The following GRID1 variants were observed in gnomAD, a reference collection of about 807,000 sequenced individuals.
The protein encoded by GRID1 is glutamate ionotropic receptor delta type subunit 1, also known as glutamate receptor ionotropic, delta-1.
A neutral mutation model predicts 98.0 loss-of-function variants in GRID1; 28 were observed. The observed-to-expected ratio is 0.29, with a 90% CI of 0.21 to 0.39. The LOEUF (loss-of-function observed/expected upper bound fraction) is 0.39. Among genes scored for constraint, GRID1 ranks in the 10% least tolerant of loss-of-function variants. The pLI is 1.00. For synonymous variants in GRID1, 553 were observed against 538.5 expected, an observed-to-expected ratio of 1.03 and a Z score of -0.37; for missense variants, 1,111 against 1,340.5, an observed-to-expected ratio of 0.83 and a Z score of 2.67.
intron 4 of GRID1, among the ~76,000 whole-genome samples, chr10:85,971,874 C>T (rs7899957): frequency 0.066 from 9,969 of 152,082 alleles, 1,061 homozygotes; most frequent in African/African-American, 0.22. Flanking sequence ...CATATGCCCA[C>T]CAAAAGACAA....
At chr10:86,073,140 C>G (rs1843827989) in intron 4 of GRID1, among the ~76,000 whole-genome samples, 1 of 152,152 alleles carries the variant, frequency 6.6e-6, no homozygotes, top group Admixed American at 6.5e-5. Context: ...GCATTAACAC[C>G]CCCAGATATT....
intron 2 of GRID1, among the ~76,000 whole-genome samples, chr10:86,253,655 C>G (rs1261537894): frequency 1.3e-5 from 2 of 152,162 alleles, no homozygotes; most frequent in African/African-American, 4.8e-5. Flanking sequence ...GAAGGCCAGG[C>G]CCCGAGGGCA....
intron 4 of GRID1, among the ~76,000 whole-genome samples, chr10:86,059,001 C>G (rs1026896045): frequency 6.6e-6 from 1 of 152,230 alleles, no homozygotes; most frequent in Admixed American, 6.5e-5. Context: ...GATGACTGAT[C>G]TCATCTAGGG....
In GRID1 at chr10:86,297,179, AAAAT is replaced by A. The variant is rs1847605893; in HGVS notation, c.235+66758_235+66761del. ...AAAATCATTTTGAAAATAGATGAGAAAAATAAATAAAATTCAATAAATGAAAAGA... is the reference window on the plus strand; with the variant it reads ...AAAATCATTTTGAAAATAGATGAGAAAAATAAAATTCAATAAATGAAAAGA... On this transcript the variant is annotated intron_variant, in intron 2 of 15. Transcript: ENST00000327946. Among the ~76,000 whole-genome samples the A allele has an allele frequency of 3.3e-5, 5 of 152,342 alleles. No individual in the cohort carries two copies. The South Asian group carries it at 1.0e-3, about 32-fold the overall frequency.
intron 8 of GRID1, among the ~76,000 whole-genome samples, chr10:85,819,308 C>G (rs118115608): frequency 6.6e-6 from 1 of 152,140 alleles, no homozygotes; most frequent in Admixed American, 6.5e-5. Context: ...CATATTCCCC[C>G]AGAAGTTTAT....
At chr10:86,205,223 A>T (rs1342064555) in intron 3 of GRID1, among the ~76,000 whole-genome samples, 2 of 152,244 alleles carry the variant, frequency 1.3e-5, no homozygotes, top group Non-Finnish European at 2.9e-5. Flanking sequence ...TCTTAGTTAC[A>T]TTCTTGGCAA....
At chr10:86,183,351 T>C (rs906019040) in intron 3 of GRID1, among the ~76,000 whole-genome samples, 2 of 151,474 alleles carry the variant, frequency 1.3e-5, no homozygotes, top group Non-Finnish European at 1.5e-5. Context: ...TATTTATTTA[T>C]TTATTTATTT....
chr10:86,145,313 C>G (rs1845071297), intron 3 of GRID1, among the ~76,000 whole-genome samples: 1 of 152,178 alleles, frequency 6.6e-6, no homozygotes, highest in African/African-American at 2.4e-5. Flanking sequence ...ACCTCCACCT[C>G]CCAGGTTCAA....
At chr10:85,654,059 G>A (rs1285296147) in intron 12 of GRID1, among the ~76,000 whole-genome samples, 1 of 152,188 alleles carries the variant, frequency 6.6e-6, no homozygotes, top group African/African-American at 2.4e-5. Flanking sequence ...AACACTGTAT[G>A]AGGACACTTA....
intron 2 of GRID1, among the ~76,000 whole-genome samples, chr10:86,210,605 G>A (rs1010554569): frequency 3.3e-5 from 5 of 152,158 alleles, no homozygotes; most frequent in Non-Finnish European, 2.9e-5. Context: ...CGCCCTCCCC[G>A]TGGAGGTGAG....
At chr10:86,232,190 G>A (rs1269544661) in intron 2 of GRID1, among the ~76,000 whole-genome samples, 1 of 152,176 alleles carries the variant, frequency 6.6e-6, no homozygotes, top group African/African-American at 2.4e-5. Context: ...AGAAAACTGG[G>A]AGGCCAGGGA....
chr10:86,331,228 TG>T (rs1019900631), intron 2 of GRID1, among the ~76,000 whole-genome samples: 1 of 152,232 alleles, frequency 6.6e-6, no homozygotes, highest in Non-Finnish European at 1.5e-5. Context: ...CAGAGTATCA[TG>T]GCCTCTTTAA....
intron 6 of GRID1, among the ~76,000 whole-genome samples, chr10:85,866,500 A>T (rs1171416037): frequency 6.6e-6 from 1 of 151,858 alleles, no homozygotes; most frequent in Admixed American, 6.6e-5. Context: ...CCAGTTGAGC[A>T]TCCTTAATCC....
rs984592934 is a variant in GRID1 at position 86,237,300 on chromosome 10, G to A, written c.236-30652C>T. Among the ~76,000 whole-genome samples, 8 of 152,322 alleles carry A rather than the reference G, an allele frequency of 5.3e-5. No individual in the cohort carries two copies. The East Asian group carries it at 1.5e-3, about 29-fold the overall frequency. ...CATGTCAAATTGTAATCCCCCCAGTGTTGGACGGGGGGCCTGGTGGGAGGT... is the reference window on the plus strand; with the variant it reads ...CATGTCAAATTGTAATCCCCCCAGTATTGGACGGGGGGCCTGGTGGGAGGT... On this transcript the variant is annotated intron_variant, in intron 2 of 15. Transcript: ENST00000327946.
At chr10:85,859,342 T>TGGAG (rs1843142635) in intron 6 of GRID1, among the ~76,000 whole-genome samples, 1 of 151,826 alleles carries the variant, frequency 6.6e-6, no homozygotes, top group African/African-American at 2.4e-5. Flanking sequence ...AAGTAATGGA[T>TGGAG]GGAGGGATGG....
At chr10:85,992,394 G>T (rs1200820128) in intron 4 of GRID1, among the ~76,000 whole-genome samples, 3 of 152,160 alleles carry the variant, frequency 2.0e-5, no homozygotes, top group African/African-American at 7.2e-5. Flanking sequence ...AAAGGGAACA[G>T]GAAAATTGAG....
At chr10:86,031,195 T>C (rs1843180702) in intron 4 of GRID1, among the ~76,000 whole-genome samples, 1 of 152,164 alleles carries the variant, frequency 6.6e-6, no homozygotes, top group Non-Finnish European at 1.5e-5. Flanking sequence ...AAAGAAAATA[T>C]GGTACATATA....
chr10:85,857,689 C>T (rs1461503237), intron 6 of GRID1, among the ~76,000 whole-genome samples: 3 of 152,150 alleles, frequency 2.0e-5, no homozygotes, highest in African/African-American at 4.8e-5. Flanking sequence ...AGCAGCAAGT[C>T]GTCTGCTAAA....
At chr10:86,100,087 C>T (rs1236511121) in intron 4 of GRID1, among the ~76,000 whole-genome samples, 1 of 152,184 alleles carries the variant, frequency 6.6e-6, no homozygotes, top group African/African-American at 2.4e-5. Context: ...CAAAGAGACC[C>T]TGACTCACCA....
Sources: allele counts gnomAD v4.1 joint callset (sites outside exome capture counted in the v4.1 genomes callset), GRCh38; gene constraint gnomAD v4.1.1; transcripts MANE v1.5; gene names NCBI Gene and HGNC (gene_info 2026-07-23, HGNC 2026-07-21).